The following EML6 variants were observed in gnomAD, a reference collection of about 807,000 sequenced individuals.
The protein encoded by EML6 is EMAP like 6.
Under a neutral mutation model 240.1 loss-of-function variants are expected in EML6, and 154 were observed. That is an observed-to-expected ratio of 0.64 (90% CI 0.56 to 0.73). The LOEUF (loss-of-function observed/expected upper bound fraction) is 0.73. Ranked by LOEUF, EML6 falls within the 30% of genes least tolerant of loss-of-function variation. The probability of loss-of-function intolerance (pLI) is 0.00; values close to 1 mark genes in which losing one functional copy is unlikely to be tolerated. For missense variants in EML6, 2,964 were observed against 2,474.6 expected, an observed-to-expected ratio of 1.20 and a Z score of -4.20; for synonymous variants, 1,148 against 899.0, an observed-to-expected ratio of 1.28 and a Z score of -4.95.
At chr2:54,911,930 C>A (rs577886893) in intron 25 of EML6, among the ~76,000 whole-genome samples, 1 of 152,214 alleles carries the variant, frequency 6.6e-6, no homozygotes, top group African/African-American at 2.4e-5. Context: ...TTTGTAGATG[C>A]GTACCTCTTT....
intron 16 of EML6, among the ~76,000 whole-genome samples, chr2:54,876,804 C>T (rs1671529865): frequency 6.6e-6 from 1 of 152,124 alleles, no homozygotes; most frequent in African/African-American, 2.4e-5. Flanking sequence ...GCTATCACAT[C>T]CATCACCTCA....
At chr2:54,945,923 A>G (rs1392151739) in intron 28 of EML6, among the ~76,000 whole-genome samples, 3 of 152,092 alleles carry the variant, frequency 2.0e-5, no homozygotes, top group Non-Finnish European at 2.9e-5. Flanking sequence ...GAATGTGCCA[A>G]CTGTTTCCAC....
At chr2:54,967,668 G>C (rs945916205) in intron 39 of EML6, among the ~76,000 whole-genome samples, 21 of 152,154 alleles carry the variant, frequency 1.4e-4, no homozygotes, top group African/African-American at 4.8e-4. Flanking sequence ...AATGTACAGA[G>C]GGGAAGGGGA....
intron 2 of EML6, among the ~76,000 whole-genome samples, chr2:54,767,620 G>T (rs1558534868): frequency 6.9e-6 from 1 of 144,912 alleles, no homozygotes; most frequent in Non-Finnish European, 1.5e-5. Context: ...GTGTGTGTGT[G>T]TGTGTGTGTG....
intron 21 of EML6, among the ~76,000 whole-genome samples, chr2:54,896,336 C>T (rs1032471566): frequency 2.0e-5 from 3 of 152,210 alleles, no homozygotes; most frequent in African/African-American, 7.2e-5. Flanking sequence ...GGAATGTGGG[C>T]CTCACTATAG....
chr2:54,787,383 G>A (rs1269916313), intron 2 of EML6, among the ~76,000 whole-genome samples: 1 of 152,116 alleles, frequency 6.6e-6, no homozygotes, highest in Non-Finnish European at 1.5e-5. Context: ...GAGGAAGATT[G>A]AGTTATGAAA....
intron 10 of EML6, among the ~76,000 whole-genome samples, chr2:54,853,223 A>G (rs540292957): frequency 5.0e-4 from 76 of 152,324 alleles, no homozygotes; most frequent in African/African-American, 1.8e-3. Flanking sequence ...ATACATGATA[A>G]AAGTCATTTC....
intron 25 of EML6, among the ~76,000 whole-genome samples, chr2:54,914,413 T>C (rs991098558): frequency 1.3e-5 from 2 of 152,132 alleles, no homozygotes; most frequent in African/African-American, 4.8e-5. Context: ...CCCAAATAAG[T>C]ATACTAAAAT....
At chr2:54,942,225 T>C (rs1456169045) in intron 28 of EML6, among the ~76,000 whole-genome samples, 2 of 152,150 alleles carry the variant, frequency 1.3e-5, no homozygotes, top group Non-Finnish European at 2.9e-5. Flanking sequence ...AGAAGTAAAG[T>C]GTTGGAAAAT....
chr2:54,810,883 C>T (rs1186988128), intron 2 of EML6, among the ~76,000 whole-genome samples: 1 of 152,136 alleles, frequency 6.6e-6, no homozygotes, highest in East Asian at 1.9e-4. Flanking sequence ...CCTTGGTTTC[C>T]CCACTAAAAA....
At chr2:54,862,485 C>T (rs1670732197) in intron 12 of EML6, among the ~76,000 whole-genome samples, 2 of 150,762 alleles carry the variant, frequency 1.3e-5, no homozygotes, top group African/African-American at 4.9e-5. Context: ...GGGAACCATC[C>T]AATCTGAGAA....
chr2:54,819,464 G>T (rs1049330458), intron 4 of EML6, among the ~76,000 whole-genome samples: 1 of 152,140 alleles, frequency 6.6e-6, no homozygotes, highest in Non-Finnish European at 1.5e-5. Context: ...CGTGCAAACT[G>T]TCTGGTAGCT....
intron 26 of EML6, among the ~76,000 whole-genome samples, chr2:54,925,440 T>C (rs1235666693): frequency 1.3e-5 from 2 of 152,232 alleles, no homozygotes; most frequent in African/African-American, 2.4e-5. Context: ...GTCTTGGTGA[T>C]ACCTGTGAGA....
At chr2:54,742,720 C>G (rs950516127) in intron 2 of EML6, among the ~76,000 whole-genome samples, 7 of 152,180 alleles carry the variant, frequency 4.6e-5, no homozygotes, top group Non-Finnish European at 7.3e-5. Flanking sequence ...GCTTCTTCCT[C>G]TAGACACACT....
At chr2:54,726,464 TA>T in intron 2 of EML6, among the ~76,000 whole-genome samples, 1 of 151,708 alleles carries the variant, frequency 6.6e-6, no homozygotes, top group South Asian at 2.1e-4. Flanking sequence ...TTCTGAGACC[TA>T]AAGTTGAAAA....
chr2:54,945,529 G>A (rs1181133168), intron 28 of EML6, among the ~76,000 whole-genome samples: 3 of 152,082 alleles, frequency 2.0e-5, no homozygotes, highest in Non-Finnish European at 2.9e-5. Flanking sequence ...TGGTTGGAAC[G>A]ACTTGGTTTC....
intron 2 of EML6, among the ~76,000 whole-genome samples, chr2:54,727,542 T>G (rs1437885823): frequency 6.6e-6 from 1 of 152,238 alleles, no homozygotes; most frequent in Non-Finnish European, 1.5e-5. Context: ...TTATGAATTT[T>G]AATTCGTTTC....
At chr2:54,888,136 C>G (rs1415063754) in intron 17 of EML6, among the ~76,000 whole-genome samples, 3 of 152,184 alleles carry the variant, frequency 2.0e-5, no homozygotes, top group Non-Finnish European at 4.4e-5. Flanking sequence ...GGAGGCAGTG[C>G]TCAAATATCT....
At chr2:54,794,957 C>T (rs1669676285) in intron 2 of EML6, among the ~76,000 whole-genome samples, 1 of 152,160 alleles carries the variant, frequency 6.6e-6, no homozygotes, top group Non-Finnish European at 1.5e-5. Context: ...TGTTAATTCA[C>T]TGACCACACT....
Sources: gnomAD v4.1 joint callset for allele counts (sites outside exome capture counted in the v4.1 genomes callset) on GRCh38, gnomAD v4.1.1 for gene constraint, MANE v1.5 for transcripts, NCBI Gene and HGNC (gene_info 2026-07-23, HGNC 2026-07-21) for gene names.